CSDE1: variants seen among roughly 807,000 people sequenced by gnomAD.
CSDE1 encodes the protein cold shock domain-containing protein E1.
A neutral mutation model predicts 89.3 loss-of-function variants in CSDE1; 17 were observed. The observed-to-expected ratio is 0.19, with a 90% confidence interval of 0.13 to 0.29. The LOEUF (loss-of-function observed/expected upper bound fraction) is 0.29, where lower values mean the gene tolerates loss of function less well. Among genes scored for constraint, CSDE1 ranks in the 10% least tolerant of loss-of-function variants. CSDE1 has a pLI of 1.00. For synonymous variants in CSDE1, 322 were observed against 332.8 expected, an observed-to-expected ratio of 0.97 and a Z score of 0.35; for missense variants, 672 against 984.2, an observed-to-expected ratio of 0.68 and a Z score of 4.24.
chr1:114,724,296 G>A (rs1023910905), intron 15 of CSDE1: 1 of 231,576 alleles, frequency 4.3e-6, no homozygotes, highest in Non-Finnish European at 8.6e-6. Flanking sequence ...ACTTTTTCCA[G>A]GTGACCATAT....
intron 5 of CSDE1, among the ~76,000 whole-genome samples, chr1:114,737,089 T>C (rs1179786617): frequency 6.6e-6 from 1 of 152,066 alleles, no homozygotes; most frequent in Non-Finnish European, 1.5e-5. Flanking sequence ...CTTACACACG[T>C]GGAAGCATTT....
chr1:114,737,898 T>C, intron 4 of CSDE1, 65 bp downstream of exon 4: 2 of 1,088,562 alleles, frequency 1.8e-6, no homozygotes, highest in Non-Finnish European at 2.9e-6. Flanking sequence ...GAATCTTCCT[T>C]TTCTAATGTG....
intron 16 of CSDE1, among the ~76,000 whole-genome samples, chr1:114,721,327 A>G (rs1659508641): frequency 6.6e-6 from 1 of 152,232 alleles, no homozygotes; most frequent in Non-Finnish European, 1.5e-5. Context: ...GAAAGCAACG[A>G]AAAACAATAT....
chr1:114,746,289 C>T (rs1171624710), intron 2 of CSDE1, among the ~76,000 whole-genome samples: 1 of 152,124 alleles, frequency 6.6e-6, no homozygotes, highest in African/African-American at 2.4e-5. Context: ...GATTACACTC[C>T]TTGATTCTGT....
chr1:114,734,999 A>G (rs1192954477), intron 6 of CSDE1, among the ~76,000 whole-genome samples: 1 of 152,240 alleles, frequency 6.6e-6, no homozygotes, highest in Non-Finnish European at 1.5e-5. Flanking sequence ...CTCTATTTTC[A>G]GTGAGTGCTA....
Position 114,733,836 on chromosome 1 carries a change from C to T in CSDE1, c.733G>A (p.Val245Ile). 2 of 1,613,910 alleles carry T rather than the reference C, an allele frequency of 1.2e-6. No individual in the cohort carries two copies. ...DRNGKEVATDVRLLPQGTVIF... is the reference protein window; with the variant it reads ...DRNGKEVATDIRLLPQGTVIF... The stretch of plus-strand genomic sequence containing the variant: ...ACTGTTCCTTGAGGCAATAGTCTGA[C>T]ATCTGTTGCAACTTCTTTACCCTAA... The change falls in exon 9 of 20, where the codon GTC (valine) becomes ATC (isoleucine). Residue 245 changes from valine (V) to isoleucine (I), a missense_variant. By Grantham distance (29) the Val-to-Ile change is conservative. Transcript: ENST00000358528.
intron 16 of CSDE1, among the ~76,000 whole-genome samples, chr1:114,723,417 G>A (rs965136135): frequency 3.9e-5 from 6 of 152,152 alleles, no homozygotes; most frequent in African/African-American, 9.7e-5. Context: ...AGCTAGAAAC[G>A]AGAAATAGGA....
At chr1:114,736,498 T>A (rs990112072) in intron 6 of CSDE1, among the ~76,000 whole-genome samples, 2 of 152,156 alleles carry the variant, frequency 1.3e-5, no homozygotes, top group Non-Finnish European at 2.9e-5. Flanking sequence ...CTCAAAGCAC[T>A]ATTTTTTGAA....
At chr1:114,737,854 T>C (rs1660488316) in intron 4 of CSDE1, 109 bp downstream of exon 4, 1 of 775,100 alleles carries the variant, frequency 1.3e-6, no homozygotes, top group Non-Finnish European at 2.2e-6. Context: ...TTATATACTA[T>C]AGCTCTCTTT....
intron 16 of CSDE1, among the ~76,000 whole-genome samples, chr1:114,722,759 T>G (rs1557989946): frequency 6.6e-6 from 1 of 152,198 alleles, no homozygotes; most frequent in Admixed American, 6.5e-5. Context: ...AAGTTAGTAG[T>G]CCATACTCCC....
intron 9 of CSDE1, among the ~76,000 whole-genome samples, chr1:114,733,352 C>A (rs1354520535): frequency 6.6e-6 from 1 of 151,946 alleles, no homozygotes; most frequent in Non-Finnish European, 1.5e-5. Flanking sequence ...AGGGTGAAAC[C>A]CCGTCTTTAC....
intron 3 of CSDE1, 44 bp from the exon 4 acceptor site, chr1:114,738,116 G>A (rs780445569): frequency 1.6e-5 from 23 of 1,435,592 alleles, no homozygotes; most frequent in African/African-American, 4.2e-5. Context: ...TGATTTTTGC[G>A]AAACGATATA....
At position 114,736,301 on chromosome 1, in the gene CSDE1, T is replaced by C. The variant is rs147380535; in HGVS notation, c.500+457A>G. ...CTACCACTTCCACCACCTCCAAAGATCTAAACCAATCACACTTCCTTGTTT... is the reference window on the plus strand; with the variant it reads ...CTACCACTTCCACCACCTCCAAAGACCTAAACCAATCACACTTCCTTGTTT... On this transcript the variant is annotated intron_variant, in intron 6 of 19. Transcript: ENST00000358528. 1.9e-3 allele frequency among the ~76,000 whole-genome samples: 283 copies of C among 152,254 alleles called. 1 individual carries two copies. Among genetic ancestry groups the C allele is most frequent in the Non-Finnish European group, 3.1e-3 (210 of 68,006 alleles).
At position 114,718,686 on chromosome 1, in the gene CSDE1, T is replaced by C; in HGVS notation, c.2276A>G (p.Asn759Ser). ...AGCACTGGCATCATCCAGAGTGATA[T>C]TCTTCAAGCGATTGACCAACCGATC... ...RPDRLVNRLK[N>S]ITLDDASAPR... Residue 759 changes from asparagine to serine, a missense_variant, in exon 19 of 20, where the codon AAT becomes AGT. Physicochemically the swap from Asn to Ser is conservative, Grantham distance 46 (BLOSUM62 1). Around this residue, in one of 8 missense-constraint regions of CSDE1, gnomAD observed 206 missense variants for 332.4 expected, o/e 0.62. Coordinates refer to ENST00000358528, the MANE Select transcript of CSDE1 (RefSeq NM_001007553.3). 1 of 1,614,204 alleles carries C rather than the reference T, an allele frequency of 6.2e-7. No homozygotes were observed. The highest frequency in any genetic ancestry group is 1.1e-5 in the South Asian group (1 of 91,088).
chr1:114,751,842 G>A lies in CSDE1; in HGVS notation c.-387-1635C>T, dbSNP rs188344485. Among the ~76,000 whole-genome samples, 587 of 152,122 alleles carry A rather than the reference G, an allele frequency of 3.9e-3. 1 individual carries two copies. Among genetic ancestry groups the A allele is most frequent in the Non-Finnish European group, 6.4e-3 (434 of 68,008 alleles). ...TGCAAGTTGTGTTAGTATTTCCCTC[G>A]CTATATCTTTTGTATTCATCTCTTA... On this transcript the variant is annotated intron_variant, in intron 1 of 19. Coordinates refer to ENST00000358528, the MANE Select transcript of CSDE1 (RefSeq NM_001007553.3).
chr1:114,741,548 C>T lies in CSDE1; in HGVS notation c.1-1658G>A, dbSNP rs757223797. 47 of 1,549,774 alleles carry T rather than the reference C, an allele frequency of 3.0e-5. 2 individuals are homozygous for T. The South Asian group carries it at 5.4e-4, about 18-fold the overall frequency. ...TTACAGATCTCTGATAAGTTGGGGT[C>T]CTCTTTTGTTTTTTAGTCCCAGATG... On this transcript the variant is annotated intron_variant, in intron 2 of 19. Coordinates refer to ENST00000358528, the MANE Select transcript of CSDE1 (RefSeq NM_001007553.3).
At chr1:114,741,621 G>A (rs1321302924) in intron 2 of CSDE1, 1 of 1,549,020 alleles carries the variant, frequency 6.5e-7, no homozygotes, top group East Asian at 2.4e-5. Flanking sequence ...AGGGGCTGCA[G>A]GAGAGGGATG....
intron 6 of CSDE1, among the ~76,000 whole-genome samples, chr1:114,735,693 C>A (rs993277644): frequency 1.3e-5 from 2 of 152,206 alleles, no homozygotes; most frequent in Admixed American, 1.3e-4. Context: ...CCTCCACATG[C>A]TACTGGAAGG....
intron 2 of CSDE1, among the ~76,000 whole-genome samples, chr1:114,749,111 T>C (rs1196607562): frequency 6.6e-6 from 1 of 152,224 alleles, no homozygotes; most frequent in Non-Finnish European, 1.5e-5. Flanking sequence ...CCAATGTCTC[T>C]TCTACCTCTT....
Sources: gnomAD v4.1 joint callset for allele counts (sites outside exome capture counted in the v4.1 genomes callset) on GRCh38, gnomAD v4.1.1 for gene constraint, gnomAD v4.1.1 regional missense constraint, MANE v1.5 for transcripts, NCBI Gene and HGNC (gene_info 2026-07-23, HGNC 2026-07-21) for gene names.